CTXND2: variants seen among roughly 807,000 people sequenced by gnomAD.
CTXND2 encodes cortexin domain containing 2.
chr1:150,894,712 C>G (rs1428893695), intron 1 of CTXND2, among the ~76,000 whole-genome samples: 3 of 152,098 alleles, frequency 2.0e-5, no homozygotes, highest in Non-Finnish European at 4.4e-5. Flanking sequence ...AACCCTTGAT[C>G]ATTATTTATT....
intron 1 of CTXND2, among the ~76,000 whole-genome samples, chr1:150,891,665 A>G (rs748117021): frequency 6.6e-6 from 1 of 152,200 alleles, no homozygotes; most frequent in African/African-American, 2.4e-5. Flanking sequence ...AATCCTATCT[A>G]TTCAGTAAAA....
chr1:150,910,922 A>G (rs587737016), intron 1 of CTXND2, among the ~76,000 whole-genome samples: 1 of 152,062 alleles, frequency 6.6e-6, no homozygotes, highest in East Asian at 1.9e-4. Context: ...CTCCTGCCTC[A>G]GCCTCCGGAG....
At chr1:150,893,268 G>T (rs1668875362) in intron 1 of CTXND2, among the ~76,000 whole-genome samples, 1 of 152,118 alleles carries the variant, frequency 6.6e-6, no homozygotes. Context: ...TGCGGGCAAT[G>T]ACGTCTGTGA....
rs975033551 is a variant in CTXND2 at position 150,891,446 on chromosome 1, C to G, written c.-74+4133C>G. Among the ~76,000 whole-genome samples, 4 of 152,188 alleles carry G rather than the reference C, an allele frequency of 2.6e-5. No individual in the cohort carries two copies. In the East Asian group the frequency reaches 5.8e-4, roughly 22 times the overall value. On this transcript the variant is annotated intron_variant, in intron 1 of 1. Coordinates refer to ENST00000636087, the Ensembl canonical transcript of CTXND2. ...GCCAGGATGGTCTCCATCTCCTGAC[C>G]TCGTGATCTGCCTGCCTCGGCCTCC...
At chr1:150,898,958 C>A (rs182578797) in intron 1 of CTXND2, among the ~76,000 whole-genome samples, 1 of 147,412 alleles carries the variant, frequency 6.8e-6, no homozygotes, top group Non-Finnish European at 1.5e-5. Flanking sequence ...ATTAGCTGGG[C>A]GTGGTGGCAG....
intron 1 of CTXND2, among the ~76,000 whole-genome samples, chr1:150,911,695 A>T (rs893876015): frequency 3.3e-5 from 5 of 152,242 alleles, no homozygotes; most frequent in Middle Eastern, 6.8e-3. Context: ...GTCCTCACAA[A>T]GTGCTGGGAT....
At chr1:150,903,967 A>G in intron 1 of CTXND2, 1 of 647,236 alleles carries the variant, frequency 1.5e-6, no homozygotes. Context: ...TGGAAAAGGG[A>G]GGCAAGCACA....
At chr1:150,900,533 C>G (rs1393293885) in intron 1 of CTXND2, among the ~76,000 whole-genome samples, 3 of 152,078 alleles carry the variant, frequency 2.0e-5, no homozygotes, top group African/African-American at 4.8e-5. Flanking sequence ...ACCTGTAATC[C>G]CAGCTATTTG....
At chr1:150,897,168 A>T (rs1411264962) in intron 1 of CTXND2, among the ~76,000 whole-genome samples, 1 of 152,220 alleles carries the variant, frequency 6.6e-6, no homozygotes, top group African/African-American at 2.4e-5. Context: ...TTTTGATCAG[A>T]TGACTGATCA....
chr1:150,896,736 T>C (rs1341383048), intron 1 of CTXND2, among the ~76,000 whole-genome samples: 1 of 152,194 alleles, frequency 6.6e-6, no homozygotes, highest in Non-Finnish European at 1.5e-5. Context: ...TAGAAACATA[T>C]AGGGCTACAT....
chr1:150,911,455 AGGTGG>A (rs1021422109), intron 1 of CTXND2, among the ~76,000 whole-genome samples: 1 of 136,446 alleles, frequency 7.3e-6, no homozygotes, highest in Non-Finnish European at 1.6e-5. Context: ...TTTTTTTTTG[AGGTGG>A]GGTCTCGCTC....
intron 1 of CTXND2, among the ~76,000 whole-genome samples, chr1:150,911,526 C>T (rs1669258134): frequency 6.6e-6 from 1 of 151,514 alleles, no homozygotes; most frequent in African/African-American, 2.4e-5. Context: ...AACTCCGCTT[C>T]CTGAGTTCAA....
intron 1 of CTXND2, among the ~76,000 whole-genome samples, chr1:150,890,226 T>C (rs1201515559): frequency 2.0e-5 from 3 of 152,132 alleles, no homozygotes; most frequent in Non-Finnish European, 4.4e-5. Context: ...ACGTACTTAA[T>C]AGCTATTTTT....
chr1:150,898,944 A>T (rs1668954271), intron 1 of CTXND2, among the ~76,000 whole-genome samples: 1 of 145,942 alleles, frequency 6.9e-6, no homozygotes, highest in African/African-American at 2.5e-5. Flanking sequence ...ATATATATAT[A>T]TATATTAGCT....
At chr1:150,909,546 G>A (rs760663258) in intron 1 of CTXND2, among the ~76,000 whole-genome samples, 30 of 152,288 alleles carry the variant, frequency 2.0e-4, no homozygotes, top group Non-Finnish European at 3.7e-4. Context: ...GACAAAGTGA[G>A]ACCCTGTCTC....
At chr1:150,909,941 T>G (rs1387789320) in intron 1 of CTXND2, among the ~76,000 whole-genome samples, 1 of 152,098 alleles carries the variant, frequency 6.6e-6, no homozygotes, top group Non-Finnish European at 1.5e-5. Flanking sequence ...AGAAAGCACT[T>G]GTGACCAATG....
intron 1 of CTXND2, among the ~76,000 whole-genome samples, chr1:150,905,607 T>G (rs1669128311): frequency 6.7e-6 from 1 of 148,824 alleles, no homozygotes; most frequent in Non-Finnish European, 1.5e-5. Flanking sequence ...CTGCAACAAT[T>G]AGAGCCAGAA....
At chr1:150,900,340 C>G (rs939481160) in intron 1 of CTXND2, among the ~76,000 whole-genome samples, 1 of 151,774 alleles carries the variant, frequency 6.6e-6, no homozygotes, top group African/African-American at 2.4e-5. Context: ...TAAAGTCAAG[C>G]AAGACCACAA....
At chr1:150,888,187 T>TC (rs1186933721) in intron 1 of CTXND2, among the ~76,000 whole-genome samples, 1 of 151,406 alleles carries the variant, frequency 6.6e-6, no homozygotes, top group African/African-American at 2.4e-5. Flanking sequence ...TTGTGACTTT[T>TC]CCCCCCATTT....
Sources: allele counts gnomAD v4.1 joint callset (sites outside exome capture counted in the v4.1 genomes callset), GRCh38; gene constraint gnomAD v4.1.1; transcripts MANE v1.5; gene names NCBI Gene and HGNC (gene_info 2026-07-23, HGNC 2026-07-21).